The following TLE6 variants were observed in gnomAD, a reference collection of about 807,000 sequenced individuals.
The protein encoded by TLE6 is transducin-like enhancer protein 6.
A neutral mutation model predicts 77.1 loss-of-function variants in TLE6; 72 were observed. That is an observed-to-expected ratio of 0.93 (90% CI 0.77 to 1.14). The LOEUF (loss-of-function observed/expected upper bound fraction) is 1.14. Among genes scored for constraint, TLE6 ranks in the 50% most tolerant of loss-of-function variants. The pLI, the probability that TLE6 is intolerant of heterozygous loss-of-function variation, is 0.00. For missense variants in TLE6, 843 were observed against 747.6 expected (o/e 1.13, Z -1.49); for synonymous variants, 366 against 287.3 (o/e 1.27, Z -2.77).
In TLE6 at chr19:2,995,069, C is replaced by A. The variant is rs1353903745; in HGVS notation, c.*65C>A. Reference sequence around the variant, plus strand: ...CATCCCCCCCCTTCCCCCCCCCCAACAAGGGGGACATGGTGGAGGGAAGCG... The same window carrying A: ...CATCCCCCCCCTTCCCCCCCCCCAAAAAGGGGGACATGGTGGAGGGAAGCG... On this transcript the variant is annotated 3_prime_UTR_variant, in exon 17 of 17. Transcript: ENST00000246112. 8.3e-6 allele frequency: 8 copies of A among 962,138 alleles called. No individual in the cohort carries two copies. The highest frequency in any genetic ancestry group is 2.9e-5 in the South Asian group (2 of 68,854). 59.6% of individuals were successfully genotyped at this position (962,138 alleles called of 1,614,324 possible).
At chr19:2,984,656 C>T (rs926946672) in intron 5 of TLE6, among the ~76,000 whole-genome samples, 5 of 151,856 alleles carry the variant, frequency 3.3e-5, no homozygotes, top group Non-Finnish European at 7.4e-5. Context: ...TTAGTAGAGA[C>T]AGGGTTTTGC....
In TLE6 at chr19:2,982,121, G is replaced by C. The variant is rs1005109678; in HGVS notation, c.181-27G>C. On this transcript the variant is annotated intron_variant, in intron 4 of 16. Coordinates refer to ENST00000246112, the MANE Select transcript of TLE6 (RefSeq NM_001143986.2). ...AGCATTCACACCCGGACCACCTCCC[G>C]ATGGGATCTCTGTTTTCCCTTTGCA... 7 of 1,551,490 alleles carry C rather than the reference G, an allele frequency of 4.5e-6. No individual in the cohort carries two copies. In the South Asian group the frequency reaches 7.1e-5, roughly 16 times the overall value.
Position 2,994,932 on chromosome 19 carries a change from C to T in TLE6, c.1647C>T (p.Asp549=), listed in dbSNP as rs368738629. 252 of 1,606,018 alleles carry T rather than the reference C, an allele frequency of 1.6e-4. No individual in the cohort carries two copies. Among genetic ancestry groups the T allele is most frequent in the Non-Finnish European group, 1.9e-4 (219 of 1,176,530 alleles). ...VPEMSPVTCC[D]VSSNNRLVVT... Reference sequence around the variant, plus strand: ...AGATGTCTCCAGTCACGTGCTGTGACGTCTCTTCCAACAACCGCCTCGTTG... The same window carrying T: ...AGATGTCTCCAGTCACGTGCTGTGATGTCTCTTCCAACAACCGCCTCGTTG... Residue 549 remains aspartate, a synonymous_variant, in exon 17 of 17, where the codon GAC becomes GAT. Coordinates refer to ENST00000246112, the MANE Select transcript of TLE6 (RefSeq NM_001143986.2).
At chr19:2,988,052 G>T in intron 10 of TLE6, 39 bp from the exon 11 acceptor site, 3 of 1,556,686 alleles carry the variant, frequency 1.9e-6, no homozygotes, top group Non-Finnish European at 2.6e-6. Context: ...ACAGATGTGC[G>T]GGGAGGCTGG....
chr19:2,988,054 G>A, intron 10 of TLE6, 37 bp from the exon 11 acceptor site: 1 of 1,556,996 alleles, frequency 6.4e-7, no homozygotes, highest in Non-Finnish European at 8.7e-7. Context: ...AGATGTGCGG[G>A]GAGGCTGGGG....
In TLE6 at chr19:2,994,273, C is replaced by T. The variant is rs550214222; in HGVS notation, c.1614+178C>T. Reference sequence around the variant, plus strand: ...GGAAGATCTCTTAAGTGTAGGAGTTCGAGACCAGCCTGGCCAACATAGTGA... The same window carrying T: ...GGAAGATCTCTTAAGTGTAGGAGTTTGAGACCAGCCTGGCCAACATAGTGA... On this transcript the variant is annotated intron_variant, in intron 16 of 16. Transcript: ENST00000246112. Among the ~76,000 whole-genome samples the T allele has an allele frequency of 5.9e-5, 9 of 151,690 alleles. No homozygotes were observed. In the South Asian group the frequency reaches 8.3e-4, roughly 14 times the overall value.
chr19:2,978,661 CAG>C (rs1341206728), intron 2 of TLE6, among the ~76,000 whole-genome samples: 1 of 152,084 alleles, frequency 6.6e-6, no homozygotes, highest in Non-Finnish European at 1.5e-5. Flanking sequence ...GAGGCTGAGG[CAG>C]AGGGTTGGCT....
chr19:2,993,944 G>C lies in TLE6; in HGVS notation c.1538-75G>C. On this transcript the variant is annotated intron_variant, in intron 15 of 16. Coordinates refer to ENST00000246112, the MANE Select transcript of TLE6 (RefSeq NM_001143986.2). ...TCAAAAAAAAAAAAAAAAAAAAAAG[G>C]TGGGTGGGGAGGATGAACTCTGGGA... The C allele has an allele frequency of 3.3e-6, 3 of 913,804 alleles. No homozygotes were observed. The Admixed American group carries it at 7.4e-5, about 23-fold the overall frequency. The allele number at this position is 913,804 out of a possible 1,614,324, so 56.6% of individuals were successfully genotyped here. A position where few individuals can be genotyped will look rare whatever the true frequency, so the allele number is the denominator to read the frequency against.
intron 3 of TLE6, among the ~76,000 whole-genome samples, chr19:2,981,094 G>T (rs890831683): frequency 3.3e-5 from 5 of 149,954 alleles, no homozygotes; most frequent in Admixed American, 3.3e-4. Context: ...GGTGGCTCAA[G>T]CCTGTTGTAA....
chr19:2,991,785 C>T (rs369724164), intron 13 of TLE6, 58 bp from the exon 14 acceptor site: 85 of 1,567,506 alleles, frequency 5.4e-5, no homozygotes, highest in African/African-American at 2.0e-4. Context: ...CTGGTGTTTC[C>T]GGGGGCCCAA....
intron 2 of TLE6, among the ~76,000 whole-genome samples, chr19:2,979,244 A>C (rs1208232472): frequency 2.0e-5 from 3 of 149,778 alleles, no homozygotes; most frequent in Non-Finnish European, 4.4e-5. Flanking sequence ...GAGCCACCAC[A>C]CTTGGCCAAG....
chr19:2,990,706 T>TC (rs2089030915), intron 13 of TLE6, among the ~76,000 whole-genome samples: 1 of 147,314 alleles, frequency 6.8e-6, no homozygotes, highest in African/African-American at 2.5e-5. Flanking sequence ...AATATATACA[T>TC]ATATAAAAAA....
rs562387413 is a variant in TLE6, at chr19:2,979,341, G to C, written c.52-759G>C. ...GGCTCACTGCAACCTCCACCTCCCA[G>C]GTTCAAGTGATTCTCCTGCCTCAGC... On this transcript the variant is annotated intron_variant, in intron 2 of 16. Coordinates refer to ENST00000246112, the MANE Select transcript of TLE6 (RefSeq NM_001143986.2). Among the ~76,000 whole-genome samples, 3 of 151,708 alleles carry C rather than the reference G, an allele frequency of 2.0e-5. No individual in the cohort carries two copies. In the South Asian group the frequency reaches 6.3e-4, roughly 32 times the overall value.
At chr19:2,994,331 C>T (rs1053643910) in intron 16 of TLE6, among the ~76,000 whole-genome samples, 4 of 152,076 alleles carry the variant, frequency 2.6e-5, no homozygotes, top group Admixed American at 1.3e-4. Flanking sequence ...ATTAGCTGAG[C>T]CGGGTGCGGT....
chr19:2,984,022 T>G (rs2034969851), intron 5 of TLE6: 1 of 152,142 alleles, frequency 6.6e-6, no homozygotes, highest in Non-Finnish European at 1.5e-5. Context: ...CAGCCCAGCC[T>G]GGCCTGTGGT....
At chr19:2,981,345 C>T (rs1035807925) in intron 3 of TLE6, among the ~76,000 whole-genome samples, 193 bp from the exon 4 acceptor site, 1 of 124,806 alleles carries the variant, frequency 8.0e-6, no homozygotes, top group Non-Finnish European at 1.6e-5. Context: ...GAGACTCTGT[C>T]TCAAAAAAAA....
chr19:2,978,265 G>GC lies in TLE6; in HGVS notation c.38dup (p.Lys14GlufsTer13). On this transcript the variant is annotated frameshift_variant, in exon 2 of 17. Coordinates refer to ENST00000246112, the MANE Select transcript of TLE6 (RefSeq NM_001143986.2). LOFTEE classifies it high-confidence loss of function. The stretch of plus-strand genomic sequence containing the variant: ...TCTAGGGACCAGCCCAGACCCAAGG[G>GC]CCCCCCGAAAAGCACTTCGGTGAGG... 6.4e-7 allele frequency: 1 copy of GC among 1,551,414 alleles called. No individual in the cohort carries two copies. Among genetic ancestry groups the GC allele is most frequent in the Non-Finnish European group, 8.7e-7 (1 of 1,146,970 alleles).
chr19:2,986,005 C>T (rs2088900548), intron 5 of TLE6, among the ~76,000 whole-genome samples: 2 of 129,996 alleles, frequency 1.5e-5, no homozygotes, highest in Non-Finnish European at 1.6e-5. Context: ...ACCCAGGAGG[C>T]GGAGGTTGCA....
chr19:2,982,060 G>C (rs1405495481), intron 4 of TLE6, 88 bp from the exon 5 acceptor site: 1 of 1,387,878 alleles, frequency 7.2e-7, no homozygotes, highest in Admixed American at 2.0e-5. Flanking sequence ...GGGGAGTAGG[G>C]GCCAGAGAGG....
Sources: allele counts gnomAD v4.1 joint callset (sites outside exome capture counted in the v4.1 genomes callset), GRCh38; gene constraint gnomAD v4.1.1; transcripts MANE v1.5; gene names NCBI Gene and HGNC (gene_info 2026-07-23, HGNC 2026-07-21).